SLX4IP: variants seen among roughly 807,000 people sequenced by gnomAD.
SLX4IP encodes the protein SLX4 interacting protein.
A neutral mutation model predicts 32.9 loss-of-function variants in SLX4IP; 34 were observed. That is an observed-to-expected ratio of 1.03 (90% CI 0.79 to 1.38). SLX4IP has a LOEUF of 1.38. Ranked by LOEUF, SLX4IP falls within the 40% of genes most tolerant of loss-of-function variation. The pLI is 0.00. For synonymous variants in SLX4IP, 172 were observed against 171.7 expected (o/e 1.00, Z -0.01); for missense variants, 444 against 479.0 (o/e 0.93, Z 0.68).
At chr20:10,511,371 A>C (rs1233153401) in intron 2 of SLX4IP, among the ~76,000 whole-genome samples, 2 of 152,094 alleles carry the variant, frequency 1.3e-5, no homozygotes, top group Non-Finnish European at 2.9e-5. Context: ...TGGGGCTCAC[A>C]CTGCCCTAGG....
Position 10,458,135 on chromosome 20 carries a change from A to C in SLX4IP, c.-29-41A>C, listed in dbSNP as rs919812892. The C allele has an allele frequency of 8.9e-6, 12 of 1,344,162 alleles. No homozygotes were observed. In the African/African-American group the frequency reaches 1.8e-4, roughly 20 times the overall value. The allele number at this position is 1,344,162 out of a possible 1,614,324, so 83.3% of individuals were successfully genotyped here. On this transcript the variant is annotated intron_variant, in intron 1 of 7. Coordinates refer to ENST00000334534, the MANE Select transcript of SLX4IP (RefSeq NM_001009608.3). ...CCTGTATAATATCCAAATAAAAAGA[A>C]ATTTTAATATACCTAATTGTAACTT...
chr20:10,533,773 C>T (rs2066012263), intron 2 of SLX4IP, among the ~76,000 whole-genome samples: 1 of 151,968 alleles, frequency 6.6e-6, no homozygotes, highest in African/African-American at 2.4e-5. Context: ...GCACATGCCA[C>T]ACTGCCTGAC....
chr20:10,504,265 T>C (rs1375995729), intron 2 of SLX4IP, among the ~76,000 whole-genome samples: 3 of 152,136 alleles, frequency 2.0e-5, no homozygotes, highest in Admixed American at 2.0e-4. Flanking sequence ...ATACCTTCTG[T>C]CTCTGAGGTC....
chr20:10,617,469 G>A (rs146009001), intron 6 of SLX4IP, among the ~76,000 whole-genome samples: 6 of 152,204 alleles, frequency 3.9e-5, no homozygotes, highest in East Asian at 1.9e-4. Context: ...TTTCTCTGCC[G>A]TTTTAGGCCA....
At position 10,624,926 on chromosome 20, in the gene SLX4IP, A is replaced by G. The variant is rs1476757319; in HGVS notation, c.*1547A>G. ...TACTTTAATGTTCCAAACCCTGCCT[A>G]GAAACCTGTTCCTGTCCCATGATCC... On this transcript the variant is annotated 3_prime_UTR_variant, in exon 8 of 8. Transcript: ENST00000334534. 6.6e-6 allele frequency: 1 copy of G among 152,278 alleles called. No homozygotes were observed. Among genetic ancestry groups the G allele is most frequent in the Admixed American group, 6.6e-5 (1 of 15,266 alleles). The allele number at this position is 152,278 out of a possible 1,614,324, so 9.4% of individuals were successfully genotyped here.
At chr20:10,611,439 C>T (rs2066965188) in intron 6 of SLX4IP, among the ~76,000 whole-genome samples, 1 of 152,228 alleles carries the variant, frequency 6.6e-6, no homozygotes. Flanking sequence ...CTCCATTTCT[C>T]ACCATCTTTG....
At chr20:10,518,374 T>TTC (rs879377090) in intron 2 of SLX4IP, among the ~76,000 whole-genome samples, 23,444 of 142,886 alleles carry the variant, frequency 0.16, 3,082 homozygotes, top group Admixed American at 0.23. Context: ...TTTCTCTCTC[T>TTC]CTTTCTTTCC....
chr20:10,459,042 A>G (rs1405660126), intron 2 of SLX4IP, among the ~76,000 whole-genome samples: 2 of 152,192 alleles, frequency 1.3e-5, no homozygotes, highest in African/African-American at 2.4e-5. Context: ...CTGACTTTTT[A>G]ATAATCGCCA....
chr20:10,518,495 TTCCTTCCTTC>T lies in SLX4IP; in HGVS notation c.28-37735_28-37726del, dbSNP rs1466643057. ...TTCTTTTCCTTTCCTTTCCTTTTCCTTCCTTCCTTCCTTCCTTCCTTCCTTCCTTCCTTCC... is the reference window on the plus strand; with the variant it reads ...TTCTTTTCCTTTCCTTTCCTTTTCCTCTTCCTTCCTTCCTTCCTTCCTTCC... On this transcript the variant is annotated intron_variant, in intron 2 of 7. Transcript: ENST00000334534. Among the ~76,000 whole-genome samples the T allele has an allele frequency of 6.9e-4, 8 of 11,616 alleles. No individual in the cohort carries two copies. In the South Asian group the frequency reaches 0.014, roughly 20 times the overall value. 7.6% of individuals were successfully genotyped at this position (11,616 alleles called of 152,430 possible).
chr20:10,588,260 C>T (rs911370755), intron 4 of SLX4IP, among the ~76,000 whole-genome samples: 2 of 152,092 alleles, frequency 1.3e-5, no homozygotes, highest in African/African-American at 2.4e-5. Context: ...TGGAAAGGTG[C>T]TTAACGTTAT....
At position 10,455,808 on chromosome 20, in the gene SLX4IP, GC is replaced by G. The variant is rs774583137; in HGVS notation, c.-29-2366del. Among the ~76,000 whole-genome samples the G allele has an allele frequency of 5.1e-3, 780 of 151,930 alleles. 1 individual carries two copies. Among genetic ancestry groups the G allele is most frequent in the Middle Eastern group, 0.017 (5 of 294 alleles). On this transcript the variant is annotated intron_variant, in intron 1 of 7. Coordinates refer to ENST00000334534, the MANE Select transcript of SLX4IP (RefSeq NM_001009608.3). ...GTATTTTTAGTAGAGACAGGGTTTC[GC>G]CATGTTGGCCAGGGTTGTCTCGAAC...
At chr20:10,499,026 A>G (rs1293419874) in intron 2 of SLX4IP, among the ~76,000 whole-genome samples, 1 of 151,692 alleles carries the variant, frequency 6.6e-6, no homozygotes, top group Non-Finnish European at 1.5e-5. Flanking sequence ...AAATATCTCT[A>G]CTCCCTACTT....
rs1180429618 is a variant in SLX4IP, at chr20:10,558,334, C to T, written c.117+2014C>T. On this transcript the variant is annotated intron_variant, in intron 3 of 7. Coordinates refer to ENST00000334534, the MANE Select transcript of SLX4IP (RefSeq NM_001009608.3). ...TCCACCATGGGTGGCAGAGTGAGAC[C>T]CTGTCTCAAAAAAAAAAAAAAAAAA... is the stretch of plus-strand genomic sequence containing the variant. Among the ~76,000 whole-genome samples, 5 of 130,276 alleles carry T rather than the reference C, an allele frequency of 3.8e-5. No individual in the cohort carries two copies. In the Admixed American group the frequency reaches 4.0e-4, roughly 10 times the overall value. The allele number at this position is 130,276 out of a possible 152,430, so 85.5% of individuals were successfully genotyped here.
intron 2 of SLX4IP, among the ~76,000 whole-genome samples, chr20:10,500,374 C>T (rs2065707267): frequency 6.6e-6 from 1 of 151,978 alleles, no homozygotes; most frequent in African/African-American, 2.4e-5. Context: ...AGTGACCCAC[C>T]CACCTTGGCC....
At chr20:10,526,798 A>G (rs1009866199) in intron 2 of SLX4IP, among the ~76,000 whole-genome samples, 9 of 152,232 alleles carry the variant, frequency 5.9e-5, no homozygotes, top group East Asian at 1.9e-4. Context: ...CAAAAATACA[A>G]AAAATTAGCT....
intron 4 of SLX4IP, among the ~76,000 whole-genome samples, chr20:10,572,957 G>A (rs2066482641): frequency 6.6e-6 from 1 of 152,140 alleles, no homozygotes. Context: ...ACGACAAGAG[G>A]CGAAAAAGAA....
chr20:10,542,648 A>C (rs2066119523), intron 2 of SLX4IP, among the ~76,000 whole-genome samples: 1 of 152,210 alleles, frequency 6.6e-6, no homozygotes, highest in African/African-American at 2.4e-5. Flanking sequence ...TGAAATTAAC[A>C]TCATTTACAG....
intron 4 of SLX4IP, among the ~76,000 whole-genome samples, chr20:10,579,438 T>A (rs1313101806): frequency 6.6e-6 from 1 of 152,098 alleles, no homozygotes; most frequent in East Asian, 1.9e-4. Flanking sequence ...TTCTTTTTTT[T>A]CTTTTTTCAG....
At chr20:10,473,610 T>C (rs1398366985) in intron 2 of SLX4IP, among the ~76,000 whole-genome samples, 1 of 151,612 alleles carries the variant, frequency 6.6e-6, no homozygotes, top group Non-Finnish European at 1.5e-5. Flanking sequence ...CTGTTTCTTT[T>C]TTTTTTTTTT....
Sources: gnomAD v4.1 joint callset for allele counts (sites outside exome capture counted in the v4.1 genomes callset) on GRCh38, gnomAD v4.1.1 for gene constraint, MANE v1.5 for transcripts, NCBI Gene and HGNC (gene_info 2026-07-23, HGNC 2026-07-21) for gene names.